The following GNS variants were observed in gnomAD, a reference collection of about 807,000 sequenced individuals.
GNS encodes the protein glucosamine (N-acetyl)-6-sulfatase.
A neutral mutation model predicts 69.7 loss-of-function variants in GNS; 40 were observed. That is an observed-to-expected ratio of 0.57 (90% CI 0.45 to 0.75). The LOEUF is 0.75. Ranked by LOEUF, GNS falls within the 30% of genes least tolerant of loss-of-function variation. The probability of loss-of-function intolerance (pLI) is 0.00; values close to 1 mark genes in which losing one functional copy is unlikely to be tolerated. For missense variants in GNS, 565 were observed against 685.5 expected, an observed-to-expected ratio of 0.82 and a Z score of 1.96; for synonymous variants, 243 against 251.6, an observed-to-expected ratio of 0.97 and a Z score of 0.32.
At chr12:64,752,141 C>A (rs961718051) in intron 2 of GNS, among the ~76,000 whole-genome samples, 6 of 152,008 alleles carry the variant, frequency 3.9e-5, no homozygotes, top group African/African-American at 4.8e-5. Context: ...AGAAAAGAGG[C>A]AGAGAGGGTG....
In GNS at chr12:64,723,120, A is replaced by G. The variant is rs771699876; in HGVS notation, c.1201-7T>C. The G allele has an allele frequency of 2.2e-5, 33 of 1,533,122 alleles. No homozygotes were observed. The highest frequency in any genetic ancestry group is 2.8e-5 in the Non-Finnish European group (31 of 1,106,148). The allele number at this position is 1,533,122 out of a possible 1,614,324, so 95.0% of individuals were successfully genotyped here. A position where few individuals can be genotyped will look rare whatever the true frequency, so the allele number is the denominator to read the frequency against. ...TCAAGTTACTGGCACCTCTCTAGAA[A>G]GAAGAGCAAGTGGAATTTCTGTGAT... On this transcript the variant is annotated splice_polypyrimidine_tract_variant and splice_region_variant and intron_variant, in intron 10 of 13. Coordinates refer to ENST00000258145, the MANE Select transcript of GNS (RefSeq NM_002076.4).
chr12:64,731,498 C>A (rs1432681045), intron 9 of GNS, among the ~76,000 whole-genome samples: 1 of 152,148 alleles, frequency 6.6e-6, no homozygotes, highest in Non-Finnish European at 1.5e-5. Context: ...ACTCCTTCTC[C>A]CTAGAAATCT....
In GNS at chr12:64,716,336, G is replaced by T; in HGVS notation, c.*405C>A. The T allele has an allele frequency of 3.7e-6, 1 of 272,844 alleles. No individual in the cohort carries two copies. The highest frequency in any genetic ancestry group is 7.3e-6 in the Non-Finnish European group (1 of 137,380). The allele number at this position is 272,844 out of a possible 1,614,324, so 16.9% of individuals were successfully genotyped here. A position where few individuals can be genotyped will look rare whatever the true frequency, so the allele number is the denominator to read the frequency against. ...TGCTACACAGGTCCTTTGACTTTAG[G>T]TCAAGCTTACATATCAAAAGGTGTG... On this transcript the variant is annotated 3_prime_UTR_variant, in exon 14 of 14. Transcript: ENST00000258145.
intron 7 of GNS, among the ~76,000 whole-genome samples, chr12:64,740,173 C>T (rs1565624661): frequency 6.6e-6 from 1 of 152,170 alleles, no homozygotes; most frequent in African/African-American, 2.4e-5. Context: ...TAAACACTTC[C>T]TAAGAGAAAG....
chr12:64,722,376 G>T (rs1314606326), intron 11 of GNS, among the ~76,000 whole-genome samples: 1 of 152,138 alleles, frequency 6.6e-6, no homozygotes. Context: ...TGGAGGAGAA[G>T]GCTAAAATGA....
intron 9 of GNS, 130 bp downstream of exon 9, chr12:64,736,874 A>ACT: frequency 1.5e-6 from 1 of 672,262 alleles, no homozygotes. Context: ...CATTGTTTCC[A>ACT]CTTAAAAACT....
chr12:64,743,361 TA>T (rs1869806445), intron 5 of GNS, 53 bp from the exon 6 acceptor site: 2 of 1,284,186 alleles, frequency 1.6e-6, no homozygotes, highest in Non-Finnish European at 2.3e-6. Context: ...GATGAGTATT[TA>T]ATAGATAAAT....
At chr12:64,717,444 C>T (rs1352405452) in intron 13 of GNS, among the ~76,000 whole-genome samples, 1 of 152,090 alleles carries the variant, frequency 6.6e-6, no homozygotes, top group Non-Finnish European at 1.5e-5. Context: ...TCCACCTCTC[C>T]GGCTCAAGTG....
intron 2 of GNS, among the ~76,000 whole-genome samples, chr12:64,750,973 T>C (rs1423084662): frequency 6.6e-6 from 1 of 152,218 alleles, no homozygotes; most frequent in African/African-American, 2.4e-5. Flanking sequence ...ATATTTTTTA[T>C]CTTACCACTC....
chr12:64,727,646 C>G (rs1048703253), intron 10 of GNS, among the ~76,000 whole-genome samples: 4 of 152,108 alleles, frequency 2.6e-5, no homozygotes, highest in African/African-American at 9.7e-5. Context: ...CAAGGGGCCA[C>G]ATATTATGTA....
Position 64,718,877 on chromosome 12 carries a change from G to A in GNS, c.1580+1145C>T, listed in dbSNP as rs150621390. ...TCAGCACATGTAAACTGGAAGTCTT[G>A]TGCTTTTATTTTAGGGACTGGACTT... On this transcript the variant is annotated intron_variant, in intron 13 of 13. Coordinates refer to ENST00000258145, the MANE Select transcript of GNS (RefSeq NM_002076.4). Among the ~76,000 whole-genome samples the A allele has an allele frequency of 3.7e-3, 567 of 152,330 alleles. 2 individuals are homozygous for A. The highest frequency in any genetic ancestry group is 6.1e-3 in the Non-Finnish European group (414 of 68,028).
intron 12 of GNS, among the ~76,000 whole-genome samples, chr12:64,720,943 G>C (rs111288688): frequency 3.9e-5 from 6 of 152,366 alleles, no homozygotes; most frequent in African/African-American, 1.4e-4. Context: ...TTTGAGGAAA[G>C]CTCTCTTGCT....
At chr12:64,752,795 C>T (rs562496924) in intron 1 of GNS, 38 bp from the exon 2 acceptor site, 2 of 1,020,400 alleles carry the variant, frequency 2.0e-6, no homozygotes, top group African/African-American at 3.2e-5. Context: ...ACAATTTCTT[C>T]CAATAAATTG....
At chr12:64,721,023 G>A (rs1181299852) in intron 12 of GNS, among the ~76,000 whole-genome samples, 1 of 152,190 alleles carries the variant, frequency 6.6e-6, no homozygotes, top group Non-Finnish European at 1.5e-5. Flanking sequence ...ACACAGATGG[G>A]CATCTGTTCC....
In GNS at chr12:64,739,445, C is replaced by T; in HGVS notation, c.930G>A (p.Leu310=). Residue 310 remains leucine, a synonymous_variant, in exon 8 of 14, where the codon CTG becomes CTA. Transcript: ENST00000258145. The stretch of plus-strand genomic sequence containing the variant: ...TGTTGTTGAGCTCCCCAGTGAACTC[C>T]AGCCTCTTGACCAGTTTCTCCACAA... ...DDLVEKLVKR[L]EFTGELNNTY... is the part of the protein sequence containing the mutation. The T allele has an allele frequency of 6.2e-7, 1 of 1,610,800 alleles. No individual in the cohort carries two copies.
Position 64,720,183 on chromosome 12 carries a change from C to CT in GNS, c.1420-2dup. 6.3e-7 allele frequency: 1 copy of CT among 1,584,808 alleles called. No homozygotes were observed. The highest frequency in any genetic ancestry group is 8.7e-7 in the Non-Finnish European group (1 of 1,153,786). On this transcript the variant is annotated splice_acceptor_variant, in intron 12 of 13. Transcript: ENST00000258145. LOFTEE classifies it high-confidence loss of function. ...TCAGATTATAGACTTCTACAAACAC[C>CT]TAGAGGACATGAAAGAATGGAGGAA...
intron 9 of GNS, among the ~76,000 whole-genome samples, chr12:64,733,759 C>T (rs2136242989): frequency 6.6e-6 from 1 of 152,332 alleles, no homozygotes; most frequent in East Asian, 1.9e-4. Context: ...TCCTGACTCC[C>T]AGTTCAGTTC....
chr12:64,754,805 T>C (rs1147092), intron 1 of GNS, among the ~76,000 whole-genome samples: 105,292 of 151,402 alleles, frequency 0.7, 38,103 homozygotes, highest in African/African-American at 0.9. Flanking sequence ...GGGAGGATTG[T>C]TTGTGCCCAG....
At chr12:64,737,655 T>C (rs1210929783) in intron 8 of GNS, among the ~76,000 whole-genome samples, 1 of 152,064 alleles carries the variant, frequency 6.6e-6, no homozygotes, top group Non-Finnish European at 1.5e-5. Context: ...GAAAAGCTCA[T>C]AGGAAGAGCT....
Sources: allele counts gnomAD v4.1 joint callset (sites outside exome capture counted in the v4.1 genomes callset), GRCh38; gene constraint gnomAD v4.1.1; transcripts MANE v1.5; gene names NCBI Gene and HGNC (gene_info 2026-07-23, HGNC 2026-07-21).